The following PCDHA3 variants were observed in gnomAD, a reference collection of about 807,000 sequenced individuals.
The protein encoded by PCDHA3 is protocadherin alpha 3.
PCDHA3 carries 41 observed loss-of-function variants against 62.2 expected under a neutral mutation model. The ratio of observed to expected loss-of-function variants is 0.66; its 90% CI spans 0.51 to 0.86. The LOEUF (loss-of-function observed/expected upper bound fraction) is 0.86, where lower values mean the gene tolerates loss of function less well. PCDHA3 is among the 40% of genes least tolerant of loss of function. The pLI is 0.00. For synonymous variants in PCDHA3, 640 were observed against 555.4 expected (o/e 1.15, Z -2.14); for missense variants, 1,304 against 1,241.2 (o/e 1.05, Z -0.76).
At chr5:140,871,277 C>T (rs1187011496) in intron 1 of PCDHA3, 15 of 1,613,782 alleles carry the variant, frequency 9.3e-6, no homozygotes, top group Admixed American at 6.7e-5. Flanking sequence ...TGGTCGGCAA[C>T]GCCCACTGAG....
At chr5:140,953,928 C>T (rs246028) in intron 1 of PCDHA3, among the ~76,000 whole-genome samples, 85,608 of 151,876 alleles carry the variant, frequency 0.56, 24,758 homozygotes, top group African/African-American at 0.69. Flanking sequence ...CTTCCTGATG[C>T]TCTCCCTCCC....
At chr5:140,946,295 C>T (rs543000779) in intron 1 of PCDHA3, among the ~76,000 whole-genome samples, 2 of 151,940 alleles carry the variant, frequency 1.3e-5, no homozygotes, top group South Asian at 4.1e-4. Context: ...TCACCTCACA[C>T]CTGGTAGAAT....
At chr5:140,875,830 G>T in intron 1 of PCDHA3, 1 of 1,614,226 alleles carries the variant, frequency 6.2e-7, no homozygotes, top group South Asian at 1.1e-5. Context: ...TTTCCATGTG[G>T]ACGTGGAGGT....
intron 1 of PCDHA3, chr5:140,966,401 C>G (rs1218132824): frequency 2.5e-6 from 1 of 404,878 alleles, no homozygotes; most frequent in African/African-American, 2.1e-5. Flanking sequence ...CACTTCGGCG[C>G]GGAATCAGAG....
intron 1 of PCDHA3, chr5:140,857,472 C>A: frequency 6.3e-7 from 1 of 1,598,636 alleles, no homozygotes; most frequent in Non-Finnish European, 8.6e-7. Flanking sequence ...CACATCTTCA[C>A]GGTGTCTGCG....
chr5:140,808,639 G>A (rs782266582), intron 1 of PCDHA3: 14 of 1,613,332 alleles, frequency 8.7e-6, no homozygotes, highest in African/African-American at 2.7e-5. Flanking sequence ...ACGCGGACGC[G>A]CAGGAGAACG....
rs1312920640 is a variant in PCDHA3, at chr5:140,836,835, CT to C, written c.2394+33247del. ...TCATAATTTCTTTTTTAGTTGATAG[CT>C]TTATGTATAATTATTATTTTTTAAT... is the stretch of plus-strand genomic sequence containing the variant. On this transcript the variant is annotated intron_variant, in intron 1 of 3. Transcript: ENST00000522353. 2.4e-5 allele frequency: 21 copies of C among 878,886 alleles called. No individual in the cohort carries two copies. The African/African-American group carries it at 3.6e-4, about 15-fold the overall frequency. The allele number at this position is 878,886 out of a possible 1,614,324, so 54.4% of individuals were successfully genotyped here. A position where few individuals can be genotyped will look rare whatever the true frequency, so the allele number is the denominator to read the frequency against.
chr5:140,862,692 G>C, intron 1 of PCDHA3: 1 of 555,502 alleles, frequency 1.8e-6, no homozygotes, highest in Non-Finnish European at 3.6e-6. Flanking sequence ...TGTCCTACTC[G>C]TTGATGGAAC....
chr5:140,908,844 C>G (rs533219921), intron 1 of PCDHA3, among the ~76,000 whole-genome samples: 1 of 152,156 alleles, frequency 6.6e-6, no homozygotes, highest in Non-Finnish European at 1.5e-5. Flanking sequence ...GCTGGAGTAA[C>G]ATACCCAAAT....
chr5:140,997,711 C>T (rs963457412), intron 3 of PCDHA3, among the ~76,000 whole-genome samples: 4 of 151,080 alleles, frequency 2.6e-5, no homozygotes. Flanking sequence ...TTAACAAACA[C>T]CTTTCTACGT....
intron 3 of PCDHA3, among the ~76,000 whole-genome samples, chr5:140,990,715 A>T (rs927680875): frequency 1.3e-5 from 2 of 152,194 alleles, no homozygotes; most frequent in Admixed American, 6.5e-5. Flanking sequence ...GGATAAGAGC[A>T]TCACTAGGTA....
intron 1 of PCDHA3, among the ~76,000 whole-genome samples, chr5:140,907,086 A>T (rs1042352534): frequency 6.6e-6 from 1 of 152,136 alleles, no homozygotes; most frequent in East Asian, 1.9e-4. Context: ...GGTGATGGTA[A>T]GTGGTGCCAC....
chr5:140,956,710 CAGA>C (rs1554222572), intron 1 of PCDHA3, among the ~76,000 whole-genome samples: 1 of 152,144 alleles, frequency 6.6e-6, no homozygotes, highest in Non-Finnish European at 1.5e-5. Flanking sequence ...GGAATAGCTT[CAGA>C]AGAATTGGTA....
At position 140,802,804 on chromosome 5, in the gene PCDHA3, G is replaced by A; in HGVS notation, c.1607G>A (p.Ser536Asn). 1 of 1,613,476 alleles carries A rather than the reference G, an allele frequency of 6.2e-7. No homozygotes were observed. Reference sequence around the variant, plus strand: ...CTAGAGCTGCTGCAGTTCCAGGTGAGTGCGCGCGATGCGGGCGTGCCGCCT... The same window carrying A: ...CTAGAGCTGCTGCAGTTCCAGGTGAATGCGCGCGATGCGGGCGTGCCGCCT... The part of the protein sequence containing the change: ...EELELLQFQV[S>N]ARDAGVPPLG... The change falls in exon 1 of 4, where the codon AGT (serine) becomes AAT (asparagine). Residue 536 changes from serine (S) to asparagine (N), a missense_variant. Ser to Asn is a conservative substitution (Grantham distance 46). Coordinates refer to ENST00000522353, the MANE Select transcript of PCDHA3 (RefSeq NM_018906.3).
At chr5:140,915,589 T>C (rs1398530314) in intron 1 of PCDHA3, among the ~76,000 whole-genome samples, 1 of 151,900 alleles carries the variant, frequency 6.6e-6, no homozygotes, top group African/African-American at 2.4e-5. Context: ...AAAGCACTTG[T>C]TCTTTTCCCT....
intron 1 of PCDHA3, chr5:140,884,197 G>A (rs146010500): frequency 3.1e-6 from 5 of 1,613,234 alleles, no homozygotes; most frequent in Non-Finnish European, 4.2e-6. Context: ...TGGACGCGCC[G>A]CACCACCGCC....
chr5:140,998,965 G>C (rs1320225650), intron 3 of PCDHA3, among the ~76,000 whole-genome samples: 1 of 152,232 alleles, frequency 6.6e-6, no homozygotes, highest in Non-Finnish European at 1.5e-5. Context: ...TAATCAAATA[G>C]TATCCTAGAA....
chr5:140,877,888 C>T (rs1554170207), intron 1 of PCDHA3: 3 of 1,458,570 alleles, frequency 2.1e-6, no homozygotes, highest in South Asian at 1.5e-5. Flanking sequence ...GAAGAACTTC[C>T]GTTTAGGTTA....
At chr5:140,843,182 C>G (rs2150354761) in intron 1 of PCDHA3, 2 of 1,595,932 alleles carry the variant, frequency 1.3e-6, no homozygotes, top group African/African-American at 2.7e-5. Flanking sequence ...CCCTCGCATC[C>G]CGTTCCGCGT....
Sources: gnomAD v4.1 joint callset for allele counts (sites outside exome capture counted in the v4.1 genomes callset) on GRCh38, gnomAD v4.1.1 for gene constraint, MANE v1.5 for transcripts, NCBI Gene and HGNC (gene_info 2026-07-23, HGNC 2026-07-21) for gene names.